UNC13C: variants seen among roughly 807,000 people sequenced by gnomAD.
The protein encoded by UNC13C is unc-13 homolog C, also known as protein unc-13 homolog C.
In UNC13C, 174 loss-of-function variants were observed where a neutral mutation model predicts 245.4. That is an observed-to-expected ratio of 0.71 (90% confidence interval 0.63 to 0.80). UNC13C has a LOEUF of 0.80. Among genes scored for constraint, UNC13C ranks in the 30% least tolerant of loss-of-function variants. UNC13C has a pLI of 0.00. For missense variants in UNC13C, 2,829 were observed against 2,602.9 expected, an observed-to-expected ratio of 1.09 and a Z score of -1.89; for synonymous variants, 992 against 895.1, an observed-to-expected ratio of 1.11 and a Z score of -1.93.
intron 4 of UNC13C, among the ~76,000 whole-genome samples, chr15:54,156,376 C>G (rs1180530639): frequency 6.6e-6 from 1 of 152,108 alleles, no homozygotes; most frequent in Non-Finnish European, 1.5e-5. Context: ...TTTGTAGAAG[C>G]CATCACTGCT....
At chr15:54,594,898 G>T (rs1230229156) in intron 30 of UNC13C, among the ~76,000 whole-genome samples, 1 of 152,196 alleles carries the variant, frequency 6.6e-6, no homozygotes, top group Non-Finnish European at 1.5e-5. Flanking sequence ...CGGGTCCAGG[G>T]GACCGGAGCA....
At chr15:54,549,821 T>C (rs1896656600) in intron 28 of UNC13C, 130 bp downstream of exon 28, 1 of 605,186 alleles carries the variant, frequency 1.7e-6, no homozygotes, top group Non-Finnish European at 2.8e-6. Context: ...TTTCACAATC[T>C]GCTTTAGGAA....
At chr15:54,147,231 TTTTTTTG>T (rs1348048008) in intron 4 of UNC13C, among the ~76,000 whole-genome samples, 3 of 135,404 alleles carry the variant, frequency 2.2e-5, no homozygotes, top group Non-Finnish European at 3.2e-5. Context: ...TTTTTTTTTT[TTTTTTTG>T]AGATGGAGTC....
intron 1 of UNC13C, among the ~76,000 whole-genome samples, chr15:53,997,956 C>T (rs1480085415): frequency 6.6e-6 from 1 of 151,990 alleles, no homozygotes. Flanking sequence ...GTGTGCGCCA[C>T]CATGACCAGC....
chr15:54,184,934 T>C (rs1317275912), intron 4 of UNC13C, among the ~76,000 whole-genome samples: 2 of 152,048 alleles, frequency 1.3e-5, no homozygotes, highest in Non-Finnish European at 2.9e-5. Flanking sequence ...CACCTGTTGT[T>C]TCCTGACTTT....
intron 2 of UNC13C, among the ~76,000 whole-genome samples, chr15:54,084,222 T>G (rs1899113696): frequency 6.6e-6 from 1 of 152,228 alleles, no homozygotes; most frequent in African/African-American, 2.4e-5. Flanking sequence ...ACAGTAACTG[T>G]GATCCACGTC....
At chr15:54,148,949 A>T (rs563186691) in intron 4 of UNC13C, among the ~76,000 whole-genome samples, 11 of 152,274 alleles carry the variant, frequency 7.2e-5, no homozygotes, top group African/African-American at 2.6e-4. Context: ...TGGTTGTGTC[A>T]CCTAAATCTC....
intron 2 of UNC13C, among the ~76,000 whole-genome samples, chr15:54,053,576 A>G (rs555227127): frequency 4.6e-5 from 7 of 152,174 alleles, no homozygotes; most frequent in Non-Finnish European, 7.3e-5. Flanking sequence ...ATGTGTAACA[A>G]TTGCATCAGG....
At chr15:54,230,870 TATG>T (rs1233742518) in intron 4 of UNC13C, among the ~76,000 whole-genome samples, 10 of 152,050 alleles carry the variant, frequency 6.6e-5, no homozygotes, top group African/African-American at 2.4e-4. Context: ...TGTGTATAGT[TATG>T]ATGTTAATTA....
chr15:54,087,200 C>T (rs897931789), intron 2 of UNC13C, among the ~76,000 whole-genome samples: 7 of 151,992 alleles, frequency 4.6e-5, no homozygotes, highest in African/African-American at 1.7e-4. Context: ...AATTTCCACT[C>T]TAGAAAGTAG....
At chr15:54,050,277 G>C (rs551212035) in intron 2 of UNC13C, 5 of 575,912 alleles carry the variant, frequency 8.7e-6, no homozygotes, top group South Asian at 6.8e-5. Flanking sequence ...GGCCACTGAA[G>C]AGGTTTAATG....
chr15:54,369,022 A>G (rs1347194109), intron 17 of UNC13C, among the ~76,000 whole-genome samples: 1 of 152,178 alleles, frequency 6.6e-6, no homozygotes, highest in Non-Finnish European at 1.5e-5. Context: ...AATCTCCTCC[A>G]TGAAGTAATG....
chr15:54,254,389 A>G (rs1369441672), intron 8 of UNC13C, among the ~76,000 whole-genome samples: 3 of 152,232 alleles, frequency 2.0e-5, no homozygotes, highest in Non-Finnish European at 4.4e-5. Context: ...TACTCTTTCA[A>G]TAACAATTTT....
intron 7 of UNC13C, among the ~76,000 whole-genome samples, chr15:54,244,411 C>A (rs1197700166): frequency 1.3e-5 from 2 of 152,148 alleles, no homozygotes; most frequent in Non-Finnish European, 2.9e-5. Context: ...AAGGTGATGC[C>A]TACAACTTTG....
chr15:54,122,594 A>G (rs186629019), intron 2 of UNC13C, among the ~76,000 whole-genome samples: 2 of 151,998 alleles, frequency 1.3e-5, no homozygotes, highest in African/African-American at 4.8e-5. Context: ...AGAAAAAAAA[A>G]TTAATCACCA....
intron 18 of UNC13C, among the ~76,000 whole-genome samples, chr15:54,411,858 G>A (rs1338496674): frequency 6.6e-6 from 1 of 152,112 alleles, no homozygotes; most frequent in Admixed American, 6.5e-5. Context: ...GATTGAGATT[G>A]CATTGAATCT....
At chr15:54,096,947 T>C (rs945717918) in intron 2 of UNC13C, among the ~76,000 whole-genome samples, 3 of 152,232 alleles carry the variant, frequency 2.0e-5, no homozygotes, top group African/African-American at 7.2e-5. Flanking sequence ...GGGAAACTTT[T>C]GTCTATACTA....
At chr15:54,526,692 C>T (rs1219192006) in intron 25 of UNC13C, among the ~76,000 whole-genome samples, 2 of 142,566 alleles carry the variant, frequency 1.4e-5, no homozygotes, top group Non-Finnish European at 1.5e-5. Context: ...TGCAGTGAGC[C>T]GAGATCGCAC....
the UNC13C span, among the ~76,000 whole-genome samples, chr15:53,893,821 T>C: frequency 6.6e-6 from 1 of 152,204 alleles, no homozygotes; most frequent in Non-Finnish European, 1.5e-5. Context: ...GCCAGACCAC[T>C]TGGGTCCCTG....
Sources: allele counts gnomAD v4.1 joint callset (sites outside exome capture counted in the v4.1 genomes callset), GRCh38; gene constraint gnomAD v4.1.1; transcripts MANE v1.5; gene names NCBI Gene and HGNC (gene_info 2026-07-23, HGNC 2026-07-21).